PUDP: variants seen among roughly 807,000 people sequenced by gnomAD.
The protein encoded by PUDP is pseudouridine-5'-phosphatase.
In PUDP, 8 loss-of-function variants were observed where a neutral mutation model predicts 9.4. That is an observed-to-expected ratio of 0.85 (90% CI 0.50 to 1.53). The LOEUF is 1.53. PUDP is among the 40% of genes most tolerant of loss of function. PUDP has a pLI of 0.00. For synonymous variants in PUDP, 99 were observed against 80.7 expected (o/e 1.23, Z -1.22); for missense variants, 188 against 189.7 (o/e 0.99, Z 0.05).
intron 1 of PUDP, among the ~76,000 whole-genome samples, chrX:7,127,452 G>A (rs1932513115): frequency 8.9e-6 from 1 of 112,417 alleles, no homozygotes; most frequent in Admixed American, 9.4e-5. Context: ...ACTGACCTGA[G>A]AAGCATAAAA....
Position 6,925,543 on chromosome X carries a change from C to T in PUDP, c.*247+51590G>A, listed in dbSNP as rs150539753. Among the ~76,000 whole-genome samples the T allele has an allele frequency of 3.6e-3, 400 of 111,971 alleles. 4 individuals carry two copies. The highest frequency in any genetic ancestry group is 0.013 in the African/African-American group (390 of 30,852). On this transcript the variant is annotated intron_variant and NMD_transcript_variant, in intron 3 of 3. Transcript: ENST00000655425. ...AACTCTGAAAAATATTTTAAAGAAG[C>T]CTACTCTGAGCCAATAGCAGTGACC...
At chrX:7,138,322 T>C (rs1450333878) in intron 1 of PUDP, among the ~76,000 whole-genome samples, 2 of 110,595 alleles carry the variant, frequency 1.8e-5, no homozygotes, top group East Asian at 5.7e-4. Context: ...ATATTACCAA[T>C]GGGCACCCAG....
chrX:7,081,453 G>A (rs1378969043), intron 2 of PUDP, among the ~76,000 whole-genome samples: 1 of 112,440 alleles, frequency 8.9e-6, no homozygotes, highest in Admixed American at 9.4e-5. Flanking sequence ...GTACCCGGCC[G>A]ATTATTTTAT....
intron 3 of PUDP, among the ~76,000 whole-genome samples, chrX:6,818,179 C>T (rs73190724): frequency 1.2e-3 from 140 of 112,126 alleles, no homozygotes; most frequent in Non-Finnish European, 2.3e-3. Flanking sequence ...TGAGTAGTAT[C>T]CTTTAGGTTA....
Position 7,116,725 on chromosome X carries a change from A to T in PUDP, c.62-10887T>A, listed in dbSNP as rs751827411. Among the ~76,000 whole-genome samples, 18 of 111,864 alleles carry T rather than the reference A, an allele frequency of 1.6e-4. No homozygotes were observed. The South Asian group carries it at 2.3e-3, about 14-fold the overall frequency. On this transcript the variant is annotated intron_variant, in intron 1 of 3. Transcript: ENST00000381077. ...TGCATTGGTCAGTAATAGAGTTTATATATTTATTCCCTCCCAAATCTCATG... is the reference window on the plus strand; with the variant it reads ...TGCATTGGTCAGTAATAGAGTTTATTTATTTATTCCCTCCCAAATCTCATG...
chrX:6,866,121 G>T (rs1927079973), intron 3 of PUDP, among the ~76,000 whole-genome samples: 1 of 109,727 alleles, frequency 9.1e-6, no homozygotes, highest in Admixed American at 9.8e-5. Context: ...ATAATGTCTT[G>T]CTATGTTGCC....
chrX:6,843,403 G>A (rs7471026), intron 3 of PUDP, among the ~76,000 whole-genome samples: 2,670 of 111,494 alleles, frequency 0.024, 90 homozygotes, highest in African/African-American at 0.083. Flanking sequence ...TGGTCCAGTG[G>A]CCCCAGTGGA....
chrX:6,804,851 G>A (rs1926023557), intron 3 of PUDP, among the ~76,000 whole-genome samples: 1 of 111,976 alleles, frequency 8.9e-6, no homozygotes, highest in African/African-American at 3.2e-5. Flanking sequence ...GAGAGGAGAA[G>A]GGCATCAAAC....
At chrX:6,765,444 A>G (rs1379622055) in intron 3 of PUDP, among the ~76,000 whole-genome samples, 3 of 112,399 alleles carry the variant, frequency 2.7e-5, no homozygotes, top group Non-Finnish European at 5.6e-5. Flanking sequence ...AGACTTGCAT[A>G]AACAGGATAA....
chrX:6,950,952 GT>G (rs10577411), intron 3 of PUDP, among the ~76,000 whole-genome samples: 217 of 102,410 alleles, frequency 2.1e-3, no homozygotes, highest in African/African-American at 7.0e-3. Context: ...TTGGTTGTGT[GT>G]TTTTTTTTTT....
intron 3 of PUDP, among the ~76,000 whole-genome samples, chrX:6,763,359 A>T (rs1190989973): frequency 8.9e-6 from 1 of 112,250 alleles, no homozygotes. Flanking sequence ...ACTGCACTAC[A>T]GCCTGGGTGA....
chrX:6,832,683 G>A (rs189644313), intron 3 of PUDP, among the ~76,000 whole-genome samples: 1 of 111,793 alleles, frequency 8.9e-6, no homozygotes, highest in Non-Finnish European at 1.9e-5. Flanking sequence ...CAACCCAATA[G>A]AGAAGCTAAG....
chrX:6,801,706 A>G (rs1361702212), intron 3 of PUDP, among the ~76,000 whole-genome samples: 2 of 111,683 alleles, frequency 1.8e-5, no homozygotes, highest in African/African-American at 6.5e-5. Flanking sequence ...AAAAGAAGAA[A>G]CCCCAGTTAG....
At chrX:6,948,106 G>C (rs1040250790) in intron 3 of PUDP, among the ~76,000 whole-genome samples, 7 of 112,064 alleles carry the variant, frequency 6.2e-5, no homozygotes, top group African/African-American at 1.6e-4. Context: ...TAAAACAAAC[G>C]AAGAAGTTTT....
chrX:6,799,760 C>T (rs906631432), intron 3 of PUDP, among the ~76,000 whole-genome samples: 1 of 110,634 alleles, frequency 9.0e-6, no homozygotes, highest in Non-Finnish European at 1.9e-5. Context: ...CACTTGAACC[C>T]CGGAGGCAGA....
At chrX:6,967,092 T>A (rs781122738) in intron 3 of PUDP, among the ~76,000 whole-genome samples, 1 of 111,774 alleles carries the variant, frequency 8.9e-6, no homozygotes, top group South Asian at 3.8e-4. Context: ...TGGTAATTGG[T>A]CACGTTCCTC....
At chrX:7,019,259 C>T (rs1222329959) in intron 1 of PUDP, among the ~76,000 whole-genome samples, 1 of 111,965 alleles carries the variant, frequency 8.9e-6, no homozygotes, top group African/African-American at 3.3e-5. Flanking sequence ...GGGTCTGGAT[C>T]GGGACCCCTT....
rs1484096615 is a variant in PUDP at position 6,926,006 on chromosome X, T to C, written c.*247+51127A>G. On this transcript the variant is annotated intron_variant and NMD_transcript_variant, in intron 3 of 3. Coordinates refer to the PUDP transcript ENST00000655425. The stretch of plus-strand genomic sequence containing the variant: ...CTTATGATCTGTATTTTAACATGAA[T>C]GCTGGTCACTTGTGCCTAAGCCCCA... 1.1e-4 allele frequency among the ~76,000 whole-genome samples: 12 copies of C among 111,621 alleles called. No individual in the cohort carries two copies. The Admixed American group carries it at 1.1e-3, about 11-fold the overall frequency.
rs146306923 is a variant in PUDP, at chrX:6,713,568, C to T, written n.129-7102G>A. Among the ~76,000 whole-genome samples the T allele has an allele frequency of 2.3e-3, 260 of 112,247 alleles. 2 individuals are homozygous for T. The highest frequency in any genetic ancestry group is 8.1e-3 in the African/African-American group (250 of 30,926). ...CAAAGATATGATATTTGATAGGTGACGTGTATTAAATACATTTTCAACTTA... is the reference window on the plus strand; with the variant it reads ...CAAAGATATGATATTTGATAGGTGATGTGTATTAAATACATTTTCAACTTA... On this transcript the variant is annotated intron_variant and non_coding_transcript_variant, in intron 1 of 2. Coordinates refer to the PUDP transcript ENST00000438499.
Sources: allele counts gnomAD v4.1 joint callset (sites outside exome capture counted in the v4.1 genomes callset), GRCh38; gene constraint gnomAD v4.1.1; transcripts MANE v1.5; gene names NCBI Gene and HGNC (gene_info 2026-07-23, HGNC 2026-07-21).